WDFY3: variants seen among roughly 807,000 people sequenced by gnomAD.
WDFY3 encodes the protein WD repeat and FYVE domain-containing protein 3.
In WDFY3, 66 loss-of-function variants were observed where a neutral mutation model predicts 409.6. The observed-to-expected ratio is 0.16, with a 90% CI of 0.13 to 0.20. WDFY3 has a LOEUF of 0.20. Among genes scored for constraint, WDFY3 ranks in the 10% least tolerant of loss-of-function variants. WDFY3 has a pLI of 1.00. For missense variants in WDFY3, 3,031 were observed against 4,298.1 expected (o/e 0.71, Z 8.24); for synonymous variants, 1,521 against 1,537.1 (o/e 0.99, Z 0.25).
At chr4:84,695,829 G>C (rs1418650415) in intron 58 of WDFY3, 141 bp downstream of exon 58, 5 of 850,228 alleles carry the variant, frequency 5.9e-6, no homozygotes, top group Non-Finnish European at 8.9e-6. Flanking sequence ...AACAATCTAG[G>C]AATCTATTGA....
intron 3 of WDFY3, among the ~76,000 whole-genome samples, chr4:84,893,511 GT>G (rs1393722184): frequency 1.3e-5 from 2 of 152,146 alleles, no homozygotes; most frequent in African/African-American, 4.8e-5. Flanking sequence ...GAATACAAAT[GT>G]TTTTACTCAG....
intron 32 of WDFY3, among the ~76,000 whole-genome samples, chr4:84,762,220 C>G (rs1159316905): frequency 1.3e-5 from 2 of 151,284 alleles, no homozygotes; most frequent in African/African-American, 4.9e-5. Context: ...ACCCAAATGT[C>G]CAACAATGAT....
At position 84,803,385 on chromosome 4, in the gene WDFY3, A is replaced by G. The variant is rs748652336; in HGVS notation, c.2512T>C (p.Ser838Pro). The G allele has an allele frequency of 2.5e-5, 41 of 1,614,138 alleles. No individual in the cohort carries two copies. In the South Asian group the frequency reaches 4.3e-4, roughly 17 times the overall value. ...ATGACTGCATCAGAACTCTGCAGAG[A>G]TGAAGTTGTCACATGTAGTTTCAGG... ...ADLKLHVTTS[S>P]LQSSDAVIIH... The change falls in exon 16 of 68, where the codon TCT (serine) becomes CCT (proline). Residue 838 changes from serine to proline, a missense_variant. By Grantham distance (74) the Ser-to-Pro change is moderately conservative. This residue lies in a region of WDFY3 where 1,322 missense variants were observed against 1,697.9 expected (regional missense o/e 0.78). Coordinates refer to ENST00000295888, the MANE Select transcript of WDFY3 (RefSeq NM_014991.6).
rs187308254 is a variant in WDFY3 at position 84,673,129 on chromosome 4, G to A, written c.10458-138C>T. The A allele has an allele frequency of 1.6e-4, 164 of 1,056,378 alleles. No individual in the cohort carries two copies. In the African/African-American group the frequency reaches 1.9e-3, roughly 12 times the overall value. 65.4% of individuals were successfully genotyped at this position (1,056,378 alleles called of 1,614,324 possible). A position where few individuals can be genotyped will look rare whatever the true frequency, so the allele number is the denominator to read the frequency against. ...TGGTTTGTGTTGTGTGGCTGAACAA[G>A]GACTAAAAGGAAAGCTGTATTATTT... On this transcript the variant is annotated intron_variant, in intron 67 of 67. Transcript: ENST00000295888.
intron 1 of WDFY3, among the ~76,000 whole-genome samples, chr4:84,965,025 TAA>T (rs1261267682): frequency 3.9e-5 from 6 of 152,232 alleles, no homozygotes; most frequent in Admixed American, 2.6e-4. Flanking sequence ...TTCCTATACT[TAA>T]GAGTCTCATG....
At chr4:84,686,168 C>T (rs923539204) in intron 62 of WDFY3, among the ~76,000 whole-genome samples, 8 of 152,116 alleles carry the variant, frequency 5.3e-5, no homozygotes, top group Admixed American at 2.0e-4. Flanking sequence ...CAGCTGGGCG[C>T]GGTGGTGGGC....
chr4:84,736,535 A>G (rs1230105349), intron 41 of WDFY3, among the ~76,000 whole-genome samples: 1 of 111,964 alleles, frequency 8.9e-6, no homozygotes, highest in African/African-American at 2.9e-5. Flanking sequence ...CTGAACTGAT[A>G]GTTGGTTGAA....
rs201553734 is a variant in WDFY3 at position 84,858,766 on chromosome 4, C to CAG, written c.180+1644_180+1645dup. Among the ~76,000 whole-genome samples, 848 of 140,848 alleles carry CAG rather than the reference C, an allele frequency of 6.0e-3. 9 individuals carry two copies. Among genetic ancestry groups the CAG allele is most frequent in the African/African-American group, 0.022 (815 of 37,266 alleles). 92.4% of individuals were successfully genotyped at this position (140,848 alleles called of 152,430 possible). On this transcript the variant is annotated intron_variant, in intron 4 of 67. Coordinates refer to ENST00000295888, the MANE Select transcript of WDFY3 (RefSeq NM_014991.6). Reference sequence around the variant, plus strand: ...TGAGACTACAGGGGACAGAGCCAGTCAGAGATTGGGGCACGGGGTGAGGGG... The same window carrying CAG: ...TGAGACTACAGGGGACAGAGCCAGTCAGAGAGATTGGGGCACGGGGTGAGGGG...
At chr4:84,675,267 T>G (rs1458617553) in intron 67 of WDFY3, among the ~76,000 whole-genome samples, 1 of 151,924 alleles carries the variant, frequency 6.6e-6, no homozygotes, top group Non-Finnish European at 1.5e-5. Flanking sequence ...CATTATAGGT[T>G]TTATAGAGCA....
chr4:84,825,101 T>C (rs1578692925), intron 10 of WDFY3, among the ~76,000 whole-genome samples: 1 of 152,140 alleles, frequency 6.6e-6, no homozygotes, highest in Non-Finnish European at 1.5e-5. Context: ...ATAATTATTA[T>C]CCCTGTTATG....
At chr4:84,752,842 T>C (rs932165899) in intron 35 of WDFY3, among the ~76,000 whole-genome samples, 1 of 152,214 alleles carries the variant, frequency 6.6e-6, no homozygotes, top group African/African-American at 2.4e-5. Flanking sequence ...GTGTTTTATC[T>C]ATTTATTTTT....
intron 15 of WDFY3, among the ~76,000 whole-genome samples, chr4:84,803,723 A>G (rs1420014971): frequency 2.0e-5 from 3 of 152,134 alleles, no homozygotes; most frequent in Non-Finnish European, 4.4e-5. Flanking sequence ...GATTTACTAT[A>G]TGGATTGTTT....
At chr4:84,785,891 C>G in intron 24 of WDFY3, 88 bp downstream of exon 24, 2 of 1,474,832 alleles carry the variant, frequency 1.4e-6, no homozygotes, top group South Asian at 1.3e-5. Flanking sequence ...TTAGCAGTCA[C>G]TCATAATTGA....
At chr4:84,846,250 T>TAA (rs1394988462) in intron 5 of WDFY3, among the ~76,000 whole-genome samples, 1 of 152,092 alleles carries the variant, frequency 6.6e-6, no homozygotes, top group Non-Finnish European at 1.5e-5. Context: ...AAATGTATCT[T>TAA]AAAAAATCCC....
chr4:84,947,366 G>A (rs529799839), intron 1 of WDFY3, among the ~76,000 whole-genome samples: 1 of 150,372 alleles, frequency 6.7e-6, no homozygotes, highest in East Asian at 2.0e-4. Context: ...CAAAAAATTG[G>A]CCAGGTGTGG....
chr4:84,815,630 A>G (rs1753182776), intron 13 of WDFY3, among the ~76,000 whole-genome samples: 1 of 152,080 alleles, frequency 6.6e-6, no homozygotes, highest in Non-Finnish European at 1.5e-5. Flanking sequence ...AAGTCCTCCA[A>G]TTAGGATTTA....
In WDFY3 at chr4:84,772,944, A is replaced by C; in HGVS notation, c.4755-15T>G. The C allele has an allele frequency of 6.4e-7, 1 of 1,571,320 alleles. No homozygotes were observed. The highest frequency in any genetic ancestry group is 1.2e-5 in the South Asian group (1 of 83,574). On this transcript the variant is annotated splice_polypyrimidine_tract_variant and intron_variant, in intron 29 of 67. Transcript: ENST00000295888. Reference sequence around the variant, plus strand: ...ACTGCCCAAATCTTTAAACAAAGGAAAACAAGATTATGGATTTTCTTTTTC... The same window carrying C: ...ACTGCCCAAATCTTTAAACAAAGGACAACAAGATTATGGATTTTCTTTTTC...
chr4:84,737,823 ACTC>A (rs943605151), intron 40 of WDFY3, among the ~76,000 whole-genome samples: 2 of 151,986 alleles, frequency 1.3e-5, no homozygotes, highest in East Asian at 3.9e-4. Context: ...TGTATGCCTG[ACTC>A]CTCCTCCAGA....
intron 2 of WDFY3, among the ~76,000 whole-genome samples, chr4:84,912,233 T>C (rs1169661614): frequency 6.6e-6 from 1 of 152,136 alleles, no homozygotes; most frequent in Admixed American, 6.5e-5. Flanking sequence ...AAGGAAAAGT[T>C]GAATTGCTTG....
Sources: allele counts gnomAD v4.1 joint callset (sites outside exome capture counted in the v4.1 genomes callset), GRCh38; gene constraint gnomAD v4.1.1; regional missense constraint gnomAD v4.1.1; transcripts MANE v1.5; gene names NCBI Gene and HGNC (gene_info 2026-07-23, HGNC 2026-07-21).